Variants in RHOQ observed in about 807,000 individuals in gnomAD.
The protein encoded by RHOQ is rho-related GTP-binding protein RhoQ.
Under a neutral mutation model 25.8 loss-of-function variants are expected in RHOQ, and 7 were observed. The ratio of observed to expected loss-of-function variants is 0.27; its 90% CI spans 0.15 to 0.51. RHOQ has a LOEUF of 0.51. Among genes scored for constraint, RHOQ ranks in the 20% least tolerant of loss-of-function variants. The pLI is 0.97. For synonymous variants in RHOQ, 97 were observed against 98.6 expected (o/e 0.98, Z 0.10); for missense variants, 165 against 260.6 (o/e 0.63, Z 2.53).
At chr2:46,570,797 C>T (rs1668888867) in intron 2 of RHOQ, among the ~76,000 whole-genome samples, 1 of 152,238 alleles carries the variant, frequency 6.6e-6, no homozygotes, top group African/African-American at 2.4e-5. Flanking sequence ...TTCACGTAGT[C>T]AGAAGCTGCT....
rs769733236 is a variant in RHOQ, at chr2:46,581,575, C to T, written c.*492C>T. The T allele has an allele frequency of 2.5e-5, 41 of 1,611,220 alleles. No individual in the cohort carries two copies. Among genetic ancestry groups the T allele is most frequent in the Non-Finnish European group, 2.5e-5 (29 of 1,179,466 alleles). On this transcript the variant is annotated 3_prime_UTR_variant, in exon 5 of 5. Coordinates refer to ENST00000238738, the MANE Select transcript of RHOQ (RefSeq NM_012249.4). Reference sequence around the variant, plus strand: ...GTAGCCAAAGGTCGCTCCAAGCGTACAGGAGATGGGCCATACCTGAGGAGA... The same window carrying T: ...GTAGCCAAAGGTCGCTCCAAGCGTATAGGAGATGGGCCATACCTGAGGAGA...
At chr2:46,554,794 T>TC (rs1668362528) in intron 2 of RHOQ, among the ~76,000 whole-genome samples, 2 of 151,772 alleles carry the variant, frequency 1.3e-5, no homozygotes. Flanking sequence ...TCTTTCTTTT[T>TC]TTTTTTTTTT....
chr2:46,543,660 G>T, intron 1 of RHOQ, 94 bp from the exon 2 acceptor site: 1 of 1,097,740 alleles, frequency 9.1e-7, no homozygotes, highest in Non-Finnish European at 1.4e-6. Flanking sequence ...CCTCTAGCTG[G>T]GTTGGGAGAG....
At chr2:46,553,729 G>A (rs532536965) in intron 2 of RHOQ, among the ~76,000 whole-genome samples, 5 of 147,506 alleles carry the variant, frequency 3.4e-5, no homozygotes, top group African/African-American at 1.0e-4. Context: ...ACAGGTGCCC[G>A]CCACCATGCC....
At position 46,542,621 on chromosome 2, in the gene RHOQ, C is replaced by T. The variant is rs985363866; in HGVS notation, c.-426C>T. On this transcript the variant is annotated 5_prime_UTR_variant, in exon 1 of 5. Coordinates refer to ENST00000238738, the MANE Select transcript of RHOQ (RefSeq NM_012249.4). ...TCGGGGAGGCGCCTGGGCCCGCCCT[C>T]CTCCGGGGCGCCGCGGGAGGGGCCC... 3 of 146,574 alleles carry T rather than the reference C, an allele frequency of 2.0e-5. No homozygotes were observed. The highest frequency in any genetic ancestry group is 6.8e-5 in the Admixed American group (1 of 14,762). The allele number at this position is 146,574 out of a possible 1,614,324, so 9.1% of individuals were successfully genotyped here. A position where few individuals can be genotyped will look rare whatever the true frequency, so the allele number is the denominator to read the frequency against.
At chr2:46,543,515 G>T in intron 1 of RHOQ, 1 of 603,144 alleles carries the variant, frequency 1.7e-6, no homozygotes, top group Non-Finnish European at 3.0e-6. Context: ...AGGGGACCGA[G>T]CGAGACGTGG....
intron 2 of RHOQ, among the ~76,000 whole-genome samples, chr2:46,574,914 G>A (rs556196928): frequency 1.4e-4 from 22 of 152,188 alleles, no homozygotes; most frequent in Non-Finnish European, 2.5e-4. Flanking sequence ...GTAGTGAAAC[G>A]AGTCATTTAA....
At chr2:46,568,423 C>G (rs535424724) in intron 2 of RHOQ, 27 of 152,290 alleles carry the variant, frequency 1.8e-4, no homozygotes, top group African/African-American at 6.5e-4. Flanking sequence ...TTTAGAAACT[C>G]ATGACCACGG....
chr2:46,545,269 G>C (rs529739817), intron 2 of RHOQ, among the ~76,000 whole-genome samples: 9 of 152,254 alleles, frequency 5.9e-5, no homozygotes, highest in African/African-American at 1.9e-4. Flanking sequence ...CTTTTAAGTC[G>C]TATTATTGAT....
rs1669458312 is a variant in RHOQ, at chr2:46,583,177, C to T, written c.*2094C>T. 1 of 152,050 alleles carries T rather than the reference C, an allele frequency of 6.6e-6. No individual in the cohort carries two copies. Among genetic ancestry groups the T allele is most frequent in the Admixed American group, 6.6e-5 (1 of 15,264 alleles). The allele number at this position is 152,050 out of a possible 1,614,324, so 9.4% of individuals were successfully genotyped here. A position where few individuals can be genotyped will look rare whatever the true frequency, so the allele number is the denominator to read the frequency against. ...GGGGGGAGGGGGCTCCAATTCATAT[C>T]TCTGAAACCCTTCACACTTGGTTTA... On this transcript the variant is annotated 3_prime_UTR_variant, in exon 5 of 5. Coordinates refer to ENST00000238738, the MANE Select transcript of RHOQ (RefSeq NM_012249.4).
intron 2 of RHOQ, among the ~76,000 whole-genome samples, chr2:46,567,948 C>A (rs912611830): frequency 6.6e-5 from 10 of 151,918 alleles, no homozygotes; most frequent in Admixed American, 2.0e-4. Context: ...GTGGCATATG[C>A]CCGTAGTATC....
chr2:46,568,478 G>A (rs766786979), intron 2 of RHOQ: 4 of 152,194 alleles, frequency 2.6e-5, no homozygotes, highest in Non-Finnish European at 5.9e-5. Context: ...ACCTTGAATT[G>A]TAGGCGTCAA....
intron 2 of RHOQ, among the ~76,000 whole-genome samples, chr2:46,573,086 C>T (rs892587265): frequency 2.7e-5 from 4 of 145,578 alleles, no homozygotes; most frequent in Admixed American, 6.9e-5. Flanking sequence ...TTTTTTGAGA[C>T]GGAGTTTAGC....
chr2:46,563,325 C>G, intron 2 of RHOQ, among the ~76,000 whole-genome samples: 1 of 152,194 alleles, frequency 6.6e-6, no homozygotes, highest in African/African-American at 2.4e-5. Context: ...GAGGTGGCAG[C>G]TGACCTATCT....
At chr2:46,550,068 AT>A (rs879637280) in intron 2 of RHOQ, among the ~76,000 whole-genome samples, 18 of 149,552 alleles carry the variant, frequency 1.2e-4, no homozygotes, top group South Asian at 2.1e-4. Flanking sequence ...ATTCTACTAA[AT>A]TTTTTTTTTT....
chr2:46,543,873 A>T (rs1667943001), intron 2 of RHOQ, 61 bp downstream of exon 2: 1 of 1,500,124 alleles, frequency 6.7e-7, no homozygotes, highest in Non-Finnish European at 9.2e-7. Context: ...TGTGGCTGCG[A>T]AGGGCCTTTG....
chr2:46,546,005 G>A (rs377199652), intron 2 of RHOQ, among the ~76,000 whole-genome samples: 92 of 152,314 alleles, frequency 6.0e-4, no homozygotes, highest in Non-Finnish European at 2.1e-4. Flanking sequence ...GTGGGGCCTA[G>A]ATGTGTGTTA....
intron 2 of RHOQ, among the ~76,000 whole-genome samples, chr2:46,571,034 G>A (rs1016377743): frequency 2.6e-5 from 4 of 152,176 alleles, no homozygotes; most frequent in Non-Finnish European, 2.9e-5. Flanking sequence ...AGAAACTAAG[G>A]CCCTAAGGAA....
At chr2:46,572,917 G>A in intron 2 of RHOQ, 1 of 346,916 alleles carries the variant, frequency 2.9e-6, no homozygotes, top group Admixed American at 3.7e-5. Flanking sequence ...ATTCACACAG[G>A]ATACTATGTG....
Sources: allele counts gnomAD v4.1 joint callset (sites outside exome capture counted in the v4.1 genomes callset), GRCh38; gene constraint gnomAD v4.1.1; transcripts MANE v1.5; gene names NCBI Gene and HGNC (gene_info 2026-07-23, HGNC 2026-07-21).